MTSS1: variants seen among roughly 807,000 people sequenced by gnomAD.
MTSS1 encodes MTSS I-BAR domain containing 1.
A neutral mutation model predicts 79.0 loss-of-function variants in MTSS1; 18 were observed. The ratio of observed to expected loss-of-function variants is 0.23; its 90% CI spans 0.16 to 0.34. The LOEUF (loss-of-function observed/expected upper bound fraction) is 0.34. MTSS1 is among the 10% of genes least tolerant of loss of function. The pLI, the probability that MTSS1 is intolerant of heterozygous loss-of-function variation, is 1.00. For synonymous variants in MTSS1, 341 were observed against 368.6 expected (o/e 0.93, Z 0.86); for missense variants, 815 against 986.2 (o/e 0.83, Z 2.33).
intron 3 of MTSS1, among the ~76,000 whole-genome samples, chr8:124,687,083 T>A (rs76378044): frequency 0.016 from 2,448 of 152,334 alleles, 22 homozygotes; most frequent in Non-Finnish European, 0.023. Context: ...GAGGCTGGAC[T>A]GAGCTCACTA....
chr8:124,700,049 G>C (rs949066025), intron 2 of MTSS1, among the ~76,000 whole-genome samples: 3 of 152,072 alleles, frequency 2.0e-5, no homozygotes, highest in Middle Eastern at 3.4e-3. Context: ...TGAGGCAGAA[G>C]AATCGCTTGA....
At chr8:124,621,798 C>A (rs1420686583) in intron 3 of MTSS1, among the ~76,000 whole-genome samples, 1 of 152,198 alleles carries the variant, frequency 6.6e-6, no homozygotes, top group Non-Finnish European at 1.5e-5. Flanking sequence ...ATCTGCCCAC[C>A]TCAGCCTCCC....
chr8:124,554,510 TGATG>T (rs1037675281), intron 13 of MTSS1, among the ~76,000 whole-genome samples: 16 of 152,242 alleles, frequency 1.1e-4, no homozygotes, highest in Non-Finnish European at 1.8e-4. Context: ...AGGTTTTGAA[TGATG>T]AATGGCATAG....
chr8:124,643,083 T>C (rs541439574), intron 3 of MTSS1, among the ~76,000 whole-genome samples: 1 of 152,294 alleles, frequency 6.6e-6, no homozygotes, highest in Admixed American at 6.5e-5. Context: ...CTGAGTATCT[T>C]TGATCAATAA....
At chr8:124,720,257 G>A (rs924191261) in intron 1 of MTSS1, among the ~76,000 whole-genome samples, 5 of 152,168 alleles carry the variant, frequency 3.3e-5, no homozygotes, top group South Asian at 4.1e-4. Context: ...GACACATAGC[G>A]GGCCACTTAG....
chr8:124,609,631 C>T (rs987147721), intron 3 of MTSS1, among the ~76,000 whole-genome samples: 1 of 152,158 alleles, frequency 6.6e-6, no homozygotes, highest in African/African-American at 2.4e-5. Flanking sequence ...ACTAAGGGGA[C>T]CAAGTGCATT....
chr8:124,621,746 A>C (rs1813554755), intron 3 of MTSS1, among the ~76,000 whole-genome samples: 1 of 152,060 alleles, frequency 6.6e-6, no homozygotes, highest in Admixed American at 6.5e-5. Context: ...ATGGGGTTTC[A>C]CCACGTTGGC....
At chr8:124,554,243 TACAGATTAAACAGCTC>T (rs1823094408) in intron 13 of MTSS1, among the ~76,000 whole-genome samples, 2 of 152,192 alleles carry the variant, frequency 1.3e-5, no homozygotes. Context: ...TGTGGGAGCT[TACAGATTAAACAGCTC>T]ACAGCCCTGA....
chr8:124,575,127 G>A (rs1376546099), intron 6 of MTSS1, among the ~76,000 whole-genome samples: 1 of 152,012 alleles, frequency 6.6e-6, no homozygotes, highest in Non-Finnish European at 1.5e-5. Flanking sequence ...TTAGAATTTG[G>A]AATGAAAAAT....
intron 3 of MTSS1, chr8:124,619,145 C>A (rs1454434719): frequency 6.6e-6 from 1 of 152,216 alleles, no homozygotes; most frequent in East Asian, 1.9e-4. Context: ...TTGCAGGAAA[C>A]AAGATCATCA....
chr8:124,646,285 T>C (rs1818985878), intron 3 of MTSS1, among the ~76,000 whole-genome samples: 2 of 152,226 alleles, frequency 1.3e-5, no homozygotes, highest in African/African-American at 4.8e-5. Flanking sequence ...AGTTACATAC[T>C]GAACACTTCA....
Position 124,598,458 on chromosome 8 carries a change from C to T in MTSS1, c.209-7223G>A, listed in dbSNP as rs141864219. ...CAAACTCGTCCCTGGTGAGCACTGG[C>T]GTAGGAACATGCATCCTTTTTCCAT... On this transcript the variant is annotated intron_variant, in intron 3 of 13. Coordinates refer to ENST00000518547, the MANE Select transcript of MTSS1 (RefSeq NM_014751.6). Among the ~76,000 whole-genome samples, 450 of 152,172 alleles carry T rather than the reference C, an allele frequency of 3.0e-3. 2 individuals carry two copies. Among genetic ancestry groups the T allele is most frequent in the Middle Eastern group, 0.01 (3 of 294 alleles).
intron 3 of MTSS1, among the ~76,000 whole-genome samples, chr8:124,672,458 C>CA (rs1824414284): frequency 6.6e-6 from 1 of 151,180 alleles, no homozygotes; most frequent in South Asian, 2.1e-4. Context: ...CATACCACTG[C>CA]ACTCCAGCCT....
Position 124,662,186 on chromosome 8 carries a change from G to A in MTSS1, c.208+37340C>T, listed in dbSNP as rs117868884. ...TTCAATTTTTGGGAAAGAGGACAAC[G>A]TCAACGCTATAATTCCGGGTGCCTA... On this transcript the variant is annotated intron_variant, in intron 3 of 13. Coordinates refer to ENST00000518547, the MANE Select transcript of MTSS1 (RefSeq NM_014751.6). 5.8e-3 allele frequency among the ~76,000 whole-genome samples: 884 copies of A among 152,194 alleles called. 2 individuals are homozygous for A. Among genetic ancestry groups the A allele is most frequent in the Middle Eastern group, 0.01 (3 of 294 alleles).
intron 3 of MTSS1, among the ~76,000 whole-genome samples, chr8:124,684,519 G>T (rs1055653226): frequency 6.6e-6 from 1 of 152,112 alleles, no homozygotes. Context: ...TAAAAGGATG[G>T]GTAGATTTTC....
rs116913040 is a variant in MTSS1 at position 124,642,412 on chromosome 8, C to T, written c.209-51177G>A. On this transcript the variant is annotated intron_variant, in intron 3 of 13. Transcript: ENST00000518547. ...AGAAGGAGCCCAAAGTCAGCCTACC[C>T]TTTGAAGTTTCAGTTAGCTCCCATC... Among the ~76,000 whole-genome samples the T allele has an allele frequency of 8.2e-3, 1,249 of 152,236 alleles. 11 individuals are homozygous for T. Among genetic ancestry groups the T allele is most frequent in the Non-Finnish European group, 0.014 (961 of 67,998 alleles).
chr8:124,666,826 G>A (rs1477324433), intron 3 of MTSS1, among the ~76,000 whole-genome samples: 2 of 152,100 alleles, frequency 1.3e-5, no homozygotes, highest in Non-Finnish European at 2.9e-5. Context: ...GGGGGTCCTG[G>A]GGAGTTTTCA....
intron 3 of MTSS1, among the ~76,000 whole-genome samples, chr8:124,680,009 A>AT (rs35099970): frequency 5.4e-5 from 8 of 149,408 alleles, no homozygotes; most frequent in South Asian, 2.1e-4. Context: ...CTTCTCCAGA[A>AT]TTTTTTTTTT....
At chr8:124,555,126 G>A (rs754618681) in intron 13 of MTSS1, among the ~76,000 whole-genome samples, 16 of 152,232 alleles carry the variant, frequency 1.1e-4, no homozygotes, top group Non-Finnish European at 2.2e-4. Flanking sequence ...GATTACAGGC[G>A]TAAGCCACTG....
Sources: allele counts gnomAD v4.1 joint callset (sites outside exome capture counted in the v4.1 genomes callset), GRCh38; gene constraint gnomAD v4.1.1; transcripts MANE v1.5; gene names NCBI Gene and HGNC (gene_info 2026-07-23, HGNC 2026-07-21).